The following RTN4 variants were observed in gnomAD, a reference collection of about 807,000 sequenced individuals.
The protein encoded by RTN4 is reticulon 4.
Under a neutral mutation model 90.4 loss-of-function variants are expected in RTN4, and 32 were observed. The ratio of observed to expected loss-of-function variants is 0.35; its 90% CI spans 0.27 to 0.48. The LOEUF (loss-of-function observed/expected upper bound fraction) is 0.48. RTN4 is among the 20% of genes least tolerant of loss of function. RTN4 has a pLI of 0.99. For missense variants in RTN4, 1,706 were observed against 1,430.2 expected, an observed-to-expected ratio of 1.19 and a Z score of -3.11; for synonymous variants, 629 against 552.5, an observed-to-expected ratio of 1.14 and a Z score of -1.94.
the RTN4 span, among the ~76,000 whole-genome samples, chr2:55,120,620 C>G: frequency 1.1e-3 from 168 of 152,224 alleles, no homozygotes; most frequent in African/African-American, 3.8e-3. Flanking sequence ...TTCTACATTT[C>G]TATGCTTTCT....
intron 2 of RTN4, among the ~76,000 whole-genome samples, chr2:55,061,949 G>A (rs578032369): frequency 2.6e-5 from 4 of 152,170 alleles, no homozygotes; most frequent in Non-Finnish European, 4.4e-5. Context: ...ACACAAAAAC[G>A]GCTGGACGTT....
At chr2:55,003,364 T>C (rs922450264) in intron 3 of RTN4, among the ~76,000 whole-genome samples, 6 of 152,206 alleles carry the variant, frequency 3.9e-5, no homozygotes, top group Admixed American at 6.5e-5. Context: ...GGTAGTGATA[T>C]AGTATTTGAA....
intron 2 of RTN4, among the ~76,000 whole-genome samples, chr2:55,065,984 T>C (rs1668382950): frequency 6.6e-6 from 1 of 152,212 alleles, no homozygotes; most frequent in African/African-American, 2.4e-5. Flanking sequence ...GATTAGTTCA[T>C]TTTACAATGT....
upstream of RTN4, among the ~76,000 whole-genome samples, chr2:55,113,300 A>T (rs1305967845): frequency 2.6e-5 from 4 of 152,160 alleles, no homozygotes; most frequent in African/African-American, 4.8e-5. Context: ...GTAGAAGAGG[A>T]TCCCTCAGGA....
At chr2:55,048,717 A>C (rs560378918) in intron 1 of RTN4, among the ~76,000 whole-genome samples, 1 of 152,276 alleles carries the variant, frequency 6.6e-6, no homozygotes, top group South Asian at 2.1e-4. Flanking sequence ...ATCCTTCTGA[A>C]AAACAGTATT....
upstream of RTN4, among the ~76,000 whole-genome samples, chr2:55,055,781 C>CAAAAAAAAAAAAAAAAA (rs1280648703): frequency 7.8e-6 from 1 of 128,832 alleles, no homozygotes; most frequent in African/African-American, 3.0e-5. Flanking sequence ...AAAAAAAAAA[C>CAAAAAAAAAAAAAAAAA]AAAAAAAACA....
chr2:55,044,785 T>TAAA (rs10639848), intron 1 of RTN4, among the ~76,000 whole-genome samples: 3,261 of 65,632 alleles, frequency 0.05, 518 homozygotes, highest in African/African-American at 0.14. Flanking sequence ...TGCAAATCAC[T>TAAA]AAAAAAAAAA....
chr2:55,094,376 CA>C (rs1288782835), intron 1 of RTN4, among the ~76,000 whole-genome samples: 2 of 152,176 alleles, frequency 1.3e-5, no homozygotes, highest in African/African-American at 2.4e-5. Flanking sequence ...TATTTTGTGA[CA>C]GTCGCCAAGC....
chr2:55,011,127 C>A (rs962789112), intron 3 of RTN4, among the ~76,000 whole-genome samples: 1 of 152,112 alleles, frequency 6.6e-6, no homozygotes, highest in African/African-American at 2.4e-5. Flanking sequence ...CTCAACCTCC[C>A]AGGCTCAAGA....
At chr2:55,133,669 C>T in the RTN4 span, among the ~76,000 whole-genome samples, 1 of 152,138 alleles carries the variant, frequency 6.6e-6, no homozygotes, top group Non-Finnish European at 1.5e-5. Context: ...GTTAGGGACC[C>T]TGAGCTGGTT....
chr2:55,113,514 T>G (rs1461031469), upstream of RTN4, among the ~76,000 whole-genome samples: 1 of 152,044 alleles, frequency 6.6e-6, no homozygotes, highest in Non-Finnish European at 1.5e-5. Flanking sequence ...GAGACAAGGG[T>G]GGTGGTGGTA....
chr2:55,039,022 T>C (rs528836966), intron 1 of RTN4, among the ~76,000 whole-genome samples: 6 of 152,332 alleles, frequency 3.9e-5, no homozygotes, highest in East Asian at 1.9e-4. Flanking sequence ...ATTCATATGA[T>C]TGATGCTTTA....
At chr2:55,126,434 A>G in the RTN4 span, among the ~76,000 whole-genome samples, 1 of 152,198 alleles carries the variant, frequency 6.6e-6, no homozygotes, top group African/African-American at 2.4e-5. Context: ...AAAGCTCAAT[A>G]TCACTGATCA....
At chr2:55,008,695 T>G (rs1680412918) in intron 3 of RTN4, among the ~76,000 whole-genome samples, 1 of 152,154 alleles carries the variant, frequency 6.6e-6, no homozygotes, top group East Asian at 1.9e-4. Flanking sequence ...TCATAATACC[T>G]TTAAATTACT....
At chr2:55,006,412 G>C (rs188349471) in intron 3 of RTN4, among the ~76,000 whole-genome samples, 10 of 152,092 alleles carry the variant, frequency 6.6e-5, no homozygotes, top group African/African-American at 1.2e-4. Context: ...ATTTCAAACA[G>C]CAAGACCCCT....
rs769539151 is a variant in RTN4, at chr2:54,973,152, G to A, written c.*4C>T. 1.4e-5 allele frequency: 23 copies of A among 1,601,656 alleles called. No homozygotes were observed. The highest frequency in any genetic ancestry group is 9.4e-5 in the African/African-American group (7 of 74,732). ...TGAACTCCTACTAATTATTTTGGGC[G>A]TTTTCATTCAGCTTTGCGCTTCAAT... is the stretch of plus-strand genomic sequence containing the variant. On this transcript the variant is annotated 3_prime_UTR_variant, in exon 9 of 9. Coordinates refer to ENST00000337526, the MANE Select transcript of RTN4 (RefSeq NM_020532.5).
intron 1 of RTN4, among the ~76,000 whole-genome samples, chr2:55,094,990 A>G (rs908816994): frequency 3.3e-5 from 5 of 152,146 alleles, no homozygotes; most frequent in Admixed American, 6.5e-5. Context: ...TATTTCCCGT[A>G]TTATCGCCAT....
intron 1 of RTN4, among the ~76,000 whole-genome samples, chr2:55,039,578 G>A (rs541005397): frequency 6.6e-6 from 1 of 152,124 alleles, no homozygotes; most frequent in Non-Finnish European, 1.5e-5. Context: ...TCAGGAATTC[G>A]AGACCAGCCT....
At chr2:55,102,929 A>G (rs1231910584) in intron 1 of RTN4, among the ~76,000 whole-genome samples, 1 of 151,804 alleles carries the variant, frequency 6.6e-6, no homozygotes, top group African/African-American at 2.4e-5. Flanking sequence ...GACCAGCCTG[A>G]CCAATGTGGA....
Sources: gnomAD v4.1 joint callset for allele counts (sites outside exome capture counted in the v4.1 genomes callset) on GRCh38, gnomAD v4.1.1 for gene constraint, MANE v1.5 for transcripts, NCBI Gene and HGNC (gene_info 2026-07-23, HGNC 2026-07-21) for gene names.